GDF11: variants seen among roughly 807,000 people sequenced by gnomAD.
The protein encoded by GDF11 is growth/differentiation factor 11.
In GDF11, 12 loss-of-function variants were observed where a neutral mutation model predicts 34.4. That is an observed-to-expected ratio of 0.35 (90% CI 0.22 to 0.57). GDF11 has a LOEUF of 0.57. Ranked by LOEUF, GDF11 falls within the 20% of genes least tolerant of loss-of-function variation. The pLI is 0.86. For missense variants in GDF11, 346 were observed against 548.2 expected, an observed-to-expected ratio of 0.63 and a Z score of 3.68; for synonymous variants, 212 against 231.1, an observed-to-expected ratio of 0.92 and a Z score of 0.75.
In GDF11 at chr12:55,749,418, T is replaced by C. The variant is rs1592545309; in HGVS notation, c.844-84T>C. On this transcript the variant is annotated intron_variant, in intron 2 of 2. Coordinates refer to ENST00000257868, the MANE Select transcript of GDF11 (RefSeq NM_005811.5). This position sits in a 1 kb window ranked among gnomAD's most constrained non-coding sequence, Gnocchi z 5.6. ...GAGAAGTCAGCAGTCTCTATTCTGATGCCCCTGGCAGGTGGGAAAGGAACA... is the reference window on the plus strand; with the variant it reads ...GAGAAGTCAGCAGTCTCTATTCTGACGCCCCTGGCAGGTGGGAAAGGAACA... 7.1e-7 allele frequency: 1 copy of C among 1,404,898 alleles called. No individual in the cohort carries two copies. The highest frequency in any genetic ancestry group is 2.3e-5 in the East Asian group (1 of 43,410). The allele number at this position is 1,404,898 out of a possible 1,614,324, so 87.0% of individuals were successfully genotyped here. A position where few individuals can be genotyped will look rare whatever the true frequency, so the allele number is the denominator to read the frequency against.
chr12:55,755,613 G>A lies in GDF11; in HGVS notation c.*5731G>A, dbSNP rs1039573897. On this transcript the variant is annotated 3_prime_UTR_variant, in exon 3 of 3. Transcript: ENST00000257868. The stretch of plus-strand genomic sequence containing the variant: ...CTCAATGTCTGTTCCATCTCCAAAC[G>A]GAATTACTATTTTAAAACTGAATTG... 6 of 152,046 alleles carry A rather than the reference G, an allele frequency of 3.9e-5. No individual in the cohort carries two copies. The highest frequency in any genetic ancestry group is 8.8e-5 in the Non-Finnish European group (6 of 68,034). 9.4% of individuals were successfully genotyped at this position (152,046 alleles called of 1,614,324 possible).
intron 1 of GDF11, 35 bp downstream of exon 1, chr12:55,743,796 T>C: frequency 6.8e-7 from 1 of 1,469,538 alleles, no homozygotes. Context: ...AGTGGGGTGC[T>C]GGCTCTGGCC....
At position 55,749,932 on chromosome 12, in the gene GDF11, A is replaced by G; in HGVS notation, c.*50A>G. 6.7e-7 allele frequency: 1 copy of G among 1,500,194 alleles called. No homozygotes were observed. The highest frequency in any genetic ancestry group is 9.1e-7 in the Non-Finnish European group (1 of 1,100,602). 92.9% of individuals were successfully genotyped at this position (1,500,194 alleles called of 1,614,324 possible). A position where few individuals can be genotyped will look rare whatever the true frequency, so the allele number is the denominator to read the frequency against. ...CCACAGACCCTACCCCAAGACCCCT[A>G]GCCCTGCCCCCATCCCCCCAAGCCC... On this transcript the variant is annotated 3_prime_UTR_variant, in exon 3 of 3. Coordinates refer to ENST00000257868, the MANE Select transcript of GDF11 (RefSeq NM_005811.5). This position sits in a 1 kb window ranked among gnomAD's most constrained non-coding sequence, Gnocchi z 5.6.
At position 55,757,163 on chromosome 12, in the gene GDF11, G is replaced by T; in HGVS notation, c.*7281G>T. The T allele has an allele frequency of 5.7e-6, 1 of 173,944 alleles. No homozygotes were observed. Among genetic ancestry groups the T allele is most frequent in the Non-Finnish European group, 1.2e-5 (1 of 81,902 alleles). 10.8% of individuals were successfully genotyped at this position (173,944 alleles called of 1,614,324 possible). On this transcript the variant is annotated 3_prime_UTR_variant, in exon 3 of 3. Transcript: ENST00000257868. ...CTTTTCCTTGTCTTCTCTTCTAAGG[G>T]ATAAAGGTATTATGGCCAATTCTCT... is the stretch of plus-strand genomic sequence containing the variant.
chr12:55,743,225 A>T lies in GDF11; in HGVS notation c.-92A>T. 1 of 209,562 alleles carries T rather than the reference A, an allele frequency of 4.8e-6. No individual in the cohort carries two copies. The highest frequency in any genetic ancestry group is 7.0e-6 in the Non-Finnish European group (1 of 141,856). 13.0% of individuals were successfully genotyped at this position (209,562 alleles called of 1,614,324 possible). The stretch of plus-strand genomic sequence containing the variant: ...CAGCCCCCAATCCCGCGCCGCCCGG[A>T]CCCCCTCCTCCTCCCTCCCTCCTCC... On this transcript the variant is annotated 5_prime_UTR_variant, in exon 1 of 3. Transcript: ENST00000257868.
In GDF11 at chr12:55,753,237, C is replaced by A. The variant is rs1019687954; in HGVS notation, c.*3355C>A. On this transcript the variant is annotated 3_prime_UTR_variant, in exon 3 of 3. Coordinates refer to ENST00000257868, the MANE Select transcript of GDF11 (RefSeq NM_005811.5). ...GATCTAAAGGTTCTCTTGAGATGAT[C>A]CAGCTAGTGTCCTATTCTCCTGCAG... 9 of 152,216 alleles carry A rather than the reference C, an allele frequency of 5.9e-5. No individual in the cohort carries two copies. The highest frequency in any genetic ancestry group is 1.9e-4 in the African/African-American group (8 of 41,440). The allele number at this position is 152,216 out of a possible 1,614,324, so 9.4% of individuals were successfully genotyped here.
In GDF11 at chr12:55,748,604, C is replaced by T. The variant is rs757754558; in HGVS notation, c.464C>T (p.Thr155Ile). 1.2e-6 allele frequency: 2 copies of T among 1,612,930 alleles called. No individual in the cohort carries two copies. Among genetic ancestry groups the T allele is most frequent in the African/African-American group, 1.3e-5 (1 of 75,054 alleles). ...TTATCAGCGGACCCAGCAGTACAGA[C>T]AGATGGCAGCCCTCTCTGCTGCCAT... Reference protein sequence around the residue: ...MAQETDPAVQTDGSPLCCHFH... With the variant: ...MAQETDPAVQIDGSPLCCHFH... Residue 155 changes from threonine (T) to isoleucine (I), a missense_variant, in exon 2 of 3, where the codon ACA becomes ATA. Thr to Ile is a moderately conservative substitution (Grantham distance 89, BLOSUM62 -1). Transcript: ENST00000257868. This position sits in a 1 kb window ranked among gnomAD's most constrained non-coding sequence, Gnocchi z 5.6.
At chr12:55,746,714 G>C (rs1878193450) in intron 1 of GDF11, among the ~76,000 whole-genome samples, 1 of 152,184 alleles carries the variant, frequency 6.6e-6, no homozygotes, top group South Asian at 2.1e-4. Flanking sequence ...ATGTTGGTTT[G>C]TTTGTTTCCT....
In GDF11 at chr12:55,743,250, C is replaced by T. The variant is rs1212685474; in HGVS notation, c.-67C>T. On this transcript the variant is annotated 5_prime_UTR_variant, in exon 1 of 3. Coordinates refer to ENST00000257868, the MANE Select transcript of GDF11 (RefSeq NM_005811.5). ...ACCCCCTCCTCCTCCCTCCCTCCTC[C>T]CTCCGCCCCCTCCCCGCGGGACTCC... The T allele has an allele frequency of 6.8e-5, 36 of 528,790 alleles. No homozygotes were observed. The highest frequency in any genetic ancestry group is 8.4e-5 in the Non-Finnish European group (35 of 415,900). 32.8% of individuals were successfully genotyped at this position (528,790 alleles called of 1,614,324 possible).
rs1438852189 is a variant in GDF11 at position 55,751,443 on chromosome 12, T to A, written c.*1561T>A. ...CTCACTGTGCCTCAGTTTCTTCCCC[T>A]CAATGGAATGAGAAATGACAGCACC... On this transcript the variant is annotated 3_prime_UTR_variant, in exon 3 of 3. Transcript: ENST00000257868. The A allele has an allele frequency of 6.6e-6, 1 of 152,006 alleles. No homozygotes were observed. The highest frequency in any genetic ancestry group is 6.6e-5 in the Admixed American group (1 of 15,254). The allele number at this position is 152,006 out of a possible 1,614,324, so 9.4% of individuals were successfully genotyped here.
At position 55,743,613 on chromosome 12, in the gene GDF11, G is replaced by A; in HGVS notation, c.297G>A (p.Val99=). 3.1e-6 allele frequency: 5 copies of A among 1,605,220 alleles called. No homozygotes were observed. Among genetic ancestry groups the A allele is most frequent in the Non-Finnish European group, 4.2e-6 (5 of 1,179,786 alleles). The part of the protein sequence containing the change: ...LKEAPNISRE[V]VKQLLPKAPP... ...AGGCGCCCAACATCAGCCGCGAGGT[G>A]GTGAAGCAGCTGCTGCCCAAGGCGC... The change falls in exon 1 of 3, where the codon GTG becomes GTA. Residue 99 remains valine (V), a synonymous_variant. Transcript: ENST00000257868.
Position 55,756,725 on chromosome 12 carries a change from C to T in GDF11, c.*6843C>T, listed in dbSNP as rs1028214177. 2.0e-5 allele frequency: 3 copies of T among 152,206 alleles called. No individual in the cohort carries two copies. Among genetic ancestry groups the T allele is most frequent in the South Asian group, 2.1e-4 (1 of 4,822 alleles). The allele number at this position is 152,206 out of a possible 1,614,324, so 9.4% of individuals were successfully genotyped here. A position where few individuals can be genotyped will look rare whatever the true frequency, so the allele number is the denominator to read the frequency against. On this transcript the variant is annotated 3_prime_UTR_variant, in exon 3 of 3. Coordinates refer to ENST00000257868, the MANE Select transcript of GDF11 (RefSeq NM_005811.5). ...GTTCCCAATGATTTAGCTAACAATG[C>T]GTAACAGCTCTGACATCCTCTGTCA...
At position 55,752,194 on chromosome 12, in the gene GDF11, TGAA is replaced by T. The variant is rs1878342721; in HGVS notation, c.*2316_*2318del. 6.6e-6 allele frequency: 1 copy of T among 152,144 alleles called. No homozygotes were observed. Among genetic ancestry groups the T allele is most frequent in the Non-Finnish European group, 1.5e-5 (1 of 68,052 alleles). 9.4% of individuals were successfully genotyped at this position (152,144 alleles called of 1,614,324 possible). A position where few individuals can be genotyped will look rare whatever the true frequency, so the allele number is the denominator to read the frequency against. On this transcript the variant is annotated 3_prime_UTR_variant, in exon 3 of 3. Coordinates refer to ENST00000257868, the MANE Select transcript of GDF11 (RefSeq NM_005811.5). ...TGGTGGAAGGAAAGGAACAGAGAAG[TGAA>T]GAACAGATACCTCCCTCCAAGGTCA...
intron 1 of GDF11, among the ~76,000 whole-genome samples, chr12:55,744,491 G>A (rs578141643): frequency 1.3e-5 from 2 of 152,140 alleles, no homozygotes; most frequent in Non-Finnish European, 2.9e-5. Flanking sequence ...GTGGACTTGA[G>A]AGAGACGAAG....
intron 1 of GDF11, among the ~76,000 whole-genome samples, chr12:55,746,558 A>T (rs1878189598): frequency 6.6e-6 from 1 of 152,110 alleles, no homozygotes; most frequent in Non-Finnish European, 1.5e-5. Flanking sequence ...TGTAGCACTG[A>T]CTGTCCCCTG....
rs775843877 is a variant in GDF11 at position 55,752,784 on chromosome 12, G to A, written c.*2902G>A. ...AAGTTATGTGACAGAGGGCAAAGAC[G>A]GCCATAGGGTGCTCTGAGTTTTGGG... is the stretch of plus-strand genomic sequence containing the variant. On this transcript the variant is annotated 3_prime_UTR_variant, in exon 3 of 3. Transcript: ENST00000257868. The A allele has an allele frequency of 2.0e-5, 3 of 152,058 alleles. No individual in the cohort carries two copies. The highest frequency in any genetic ancestry group is 2.0e-4 in the Admixed American group (3 of 15,258). The allele number at this position is 152,058 out of a possible 1,614,324, so 9.4% of individuals were successfully genotyped here. A position where few individuals can be genotyped will look rare whatever the true frequency, so the allele number is the denominator to read the frequency against.
chr12:55,748,535 A>T lies in GDF11; in HGVS notation c.446-51A>T. On this transcript the variant is annotated intron_variant, in intron 1 of 2. Coordinates refer to ENST00000257868, the MANE Select transcript of GDF11 (RefSeq NM_005811.5). This position sits in a 1 kb window ranked among gnomAD's most constrained non-coding sequence, Gnocchi z 5.6. ...TTGCCAGTGCCACCCAGGACTACTGATCCCCTACACAAACACCCTTTGCTG... is the reference window on the plus strand; with the variant it reads ...TTGCCAGTGCCACCCAGGACTACTGTTCCCCTACACAAACACCCTTTGCTG... 6.5e-7 allele frequency: 1 copy of T among 1,527,844 alleles called. No individual in the cohort carries two copies. The highest frequency in any genetic ancestry group is 8.8e-7 in the Non-Finnish European group (1 of 1,133,978). 94.6% of individuals were successfully genotyped at this position (1,527,844 alleles called of 1,614,324 possible). A position where few individuals can be genotyped will look rare whatever the true frequency, so the allele number is the denominator to read the frequency against.
Position 55,748,445 on chromosome 12 carries a change from T to C in GDF11, c.446-141T>C, listed in dbSNP as rs550172523. 2.0e-4 allele frequency: 140 copies of C among 713,642 alleles called. 1 individual carries two copies. Among genetic ancestry groups the C allele is most frequent in the African/African-American group, 1.8e-5 (1 of 56,770 alleles). 44.2% of individuals were successfully genotyped at this position (713,642 alleles called of 1,614,324 possible). Reference sequence around the variant, plus strand: ...AGTGCTGTTTTAGGTACCGGAGACATGGTATAAGATAGGCATGGGAGAAGG... The same window carrying C: ...AGTGCTGTTTTAGGTACCGGAGACACGGTATAAGATAGGCATGGGAGAAGG... On this transcript the variant is annotated intron_variant, in intron 1 of 2. Coordinates refer to ENST00000257868, the MANE Select transcript of GDF11 (RefSeq NM_005811.5). The surrounding 1 kb of genome is among the most constrained non-coding windows in gnomAD (Gnocchi z 5.6).
Position 55,749,529 on chromosome 12 carries a change from G to A in GDF11, c.871G>A (p.Glu291Lys). 6.2e-7 allele frequency: 1 copy of A among 1,612,680 alleles called. No homozygotes were observed. The highest frequency in any genetic ancestry group is 2.2e-5 in the East Asian group (1 of 44,804). Reference protein sequence around the residue: ...LHPFMELRVLENTKRSRRNLG... With the variant: ...LHPFMELRVLKNTKRSRRNLG... ...TCCATTCATGGAGCTTCGAGTCCTA[G>A]AGAACACAAAACGTTCCCGGCGGAA... is the stretch of plus-strand genomic sequence containing the variant. Residue 291 changes from glutamate (E) to lysine (K), a missense_variant, in exon 3 of 3, where the codon GAG (glutamate) becomes AAG (lysine). Coordinates refer to ENST00000257868, the MANE Select transcript of GDF11 (RefSeq NM_005811.5). This position sits in a 1 kb window ranked among gnomAD's most constrained non-coding sequence, Gnocchi z 5.6.
Sources: gnomAD v4.1 joint callset for allele counts (sites outside exome capture counted in the v4.1 genomes callset) on GRCh38, gnomAD v4.1.1 for gene constraint, Gnocchi (gnomAD v3.1) non-coding constraint, MANE v1.5 for transcripts, NCBI Gene and HGNC (gene_info 2026-07-23, HGNC 2026-07-21) for gene names.